Variants in CGGBP1 observed in about 807,000 individuals in gnomAD.
CGGBP1 encodes CGG triplet repeat binding protein 1.
CGGBP1 carries 4 observed loss-of-function variants against 11.4 expected under a neutral mutation model. The ratio of observed to expected loss-of-function variants is 0.35; its 90% confidence interval spans 0.17 to 0.80. The LOEUF is 0.80. CGGBP1 is among the 30% of genes least tolerant of loss of function. The pLI is 0.52. For synonymous variants in CGGBP1, 76 were observed against 74.1 expected (o/e 1.03, Z -0.13); for missense variants, 135 against 202.1 (o/e 0.67, Z 2.01).
intron 2 of CGGBP1, chr3:88,139,503 G>A: frequency 6.2e-7 from 1 of 1,613,600 alleles, no homozygotes; most frequent in Non-Finnish European, 8.5e-7. Flanking sequence ...GGATGATCAG[G>A]AAGTCACTGC....
At chr3:88,145,480 TAATG>T (rs527996572) in intron 1 of CGGBP1, among the ~76,000 whole-genome samples, 17 of 152,222 alleles carry the variant, frequency 1.1e-4, no homozygotes, top group African/African-American at 3.8e-4. Flanking sequence ...ATATTCAAAA[TAATG>T]AATGTAGTGA....
chr3:88,079,017 G>A (rs1273834590), intron 2 of CGGBP1, among the ~76,000 whole-genome samples: 1 of 152,072 alleles, frequency 6.6e-6, no homozygotes, highest in African/African-American at 2.4e-5. Flanking sequence ...AGTGTTGAAG[G>A]TTTGGGCTGA....
intron 2 of CGGBP1, among the ~76,000 whole-genome samples, chr3:88,103,200 A>G (rs1704535884): frequency 6.6e-6 from 1 of 152,176 alleles, no homozygotes; most frequent in Non-Finnish European, 1.5e-5. Context: ...CTATTAAGAG[A>G]TAAAGCAATC....
chr3:88,104,177 T>C (rs913381140), intron 2 of CGGBP1, among the ~76,000 whole-genome samples: 6 of 152,160 alleles, frequency 3.9e-5, no homozygotes, highest in African/African-American at 1.4e-4. Flanking sequence ...GGGAGTTCCA[T>C]AAGCAGCACC....
intron 2 of CGGBP1, among the ~76,000 whole-genome samples, chr3:88,073,057 A>G (rs549235354): frequency 1.3e-5 from 2 of 152,350 alleles, no homozygotes; most frequent in East Asian, 3.9e-4. Flanking sequence ...TTGTGAAAAG[A>G]TGGATGGCAT....
At chr3:88,121,556 T>A (rs112703704) in intron 2 of CGGBP1, among the ~76,000 whole-genome samples, 2 of 152,096 alleles carry the variant, frequency 1.3e-5, no homozygotes. Flanking sequence ...TAAATATTCC[T>A]CAGGAACCTA....
At chr3:88,129,242 A>T (rs1488441275) in intron 2 of CGGBP1, among the ~76,000 whole-genome samples, 1 of 151,292 alleles carries the variant, frequency 6.6e-6, no homozygotes, top group East Asian at 1.9e-4. Context: ...ACTCATTAAT[A>T]AGTATTATTC....
At chr3:88,119,079 T>C (rs1705594182) in intron 2 of CGGBP1, among the ~76,000 whole-genome samples, 3 of 149,612 alleles carry the variant, frequency 2.0e-5, no homozygotes, top group African/African-American at 5.0e-5. Context: ...TAAAGACACA[T>C]GCACACGTAT....
In CGGBP1 at chr3:88,086,497, A is replaced by C. The variant is rs1321319884; in HGVS notation, c.-228-28274T>G. On this transcript the variant is annotated intron_variant, in intron 2 of 3. Transcript: ENST00000462901. ...TTCTTCTGAAGAAGAAACCTTTCCT[A>C]AAGTATTCCCTCAAAAAGAAATGTT... The C allele has an allele frequency of 4.7e-6, 5 of 1,073,546 alleles. No individual in the cohort carries two copies. The Admixed American group carries it at 1.7e-4, about 36-fold the overall frequency. The allele number at this position is 1,073,546 out of a possible 1,614,324, so 66.5% of individuals were successfully genotyped here.
At chr3:88,095,857 TCAG>T in intron 2 of CGGBP1, 2 of 456,518 alleles carry the variant, frequency 4.4e-6, no homozygotes, top group South Asian at 3.4e-5. Context: ...CCTTTCCACT[TCAG>T]CAGATACTCC....
chr3:88,138,649 G>A, intron 2 of CGGBP1: 1 of 1,078,534 alleles, frequency 9.3e-7, no homozygotes, highest in Non-Finnish European at 1.2e-6. Context: ...AGATAGACTA[G>A]TATAACCATT....
At chr3:88,073,161 T>C (rs1707612710) in intron 2 of CGGBP1, among the ~76,000 whole-genome samples, 1 of 152,160 alleles carries the variant, frequency 6.6e-6, no homozygotes, top group African/African-American at 2.4e-5. Flanking sequence ...ACCTGCAAAC[T>C]ATTAGCAGTA....
chr3:88,130,935 TAGAG>T (rs1706421172), intron 2 of CGGBP1, among the ~76,000 whole-genome samples: 1 of 152,132 alleles, frequency 6.6e-6, no homozygotes. Context: ...GAATTTCAAA[TAGAG>T]AAAGGGATTA....
chr3:88,129,204 T>C, intron 2 of CGGBP1: 1 of 516,378 alleles, frequency 1.9e-6, no homozygotes, highest in Non-Finnish European at 3.4e-6. Context: ...AAATCTGATA[T>C]TAACAAATGA....
At chr3:88,135,989 T>C (rs1211741717) in intron 2 of CGGBP1, among the ~76,000 whole-genome samples, 2 of 152,158 alleles carry the variant, frequency 1.3e-5, no homozygotes, top group African/African-American at 4.8e-5. Context: ...ATTAGATGTA[T>C]GATCATGTAG....
chr3:88,084,811 C>T (rs1364364164), intron 2 of CGGBP1, among the ~76,000 whole-genome samples: 1 of 152,196 alleles, frequency 6.6e-6, no homozygotes, highest in African/African-American at 2.4e-5. Context: ...CCCTTGCTAC[C>T]TCAAGTCTCA....
intron 2 of CGGBP1, chr3:88,135,129 A>G: frequency 6.7e-7 from 1 of 1,487,160 alleles, no homozygotes; most frequent in Non-Finnish European, 8.9e-7. Context: ...TTTGTAGATC[A>G]ATGCTACCAG....
chr3:88,117,139 A>C (rs1051348247), intron 2 of CGGBP1, among the ~76,000 whole-genome samples: 20 of 152,240 alleles, frequency 1.3e-4, no homozygotes, highest in African/African-American at 4.8e-4. Context: ...TCAAATTGAA[A>C]GTACAGTGAA....
At chr3:88,104,654 T>C (rs1466272799) in intron 2 of CGGBP1, among the ~76,000 whole-genome samples, 1 of 152,228 alleles carries the variant, frequency 6.6e-6, no homozygotes, top group Non-Finnish European at 1.5e-5. Context: ...TTTTTAAAGA[T>C]ATGTATATTT....
Sources: gnomAD v4.1 joint callset for allele counts (sites outside exome capture counted in the v4.1 genomes callset) on GRCh38, gnomAD v4.1.1 for gene constraint, MANE v1.5 for transcripts, NCBI Gene and HGNC (gene_info 2026-07-23, HGNC 2026-07-21) for gene names.